The following EAF1 variants were observed in gnomAD, a reference collection of about 807,000 sequenced individuals.
The protein encoded by EAF1 is ELL associated factor 1, also known as ELL-associated factor 1.
Under a neutral mutation model 26.6 loss-of-function variants are expected in EAF1, and 19 were observed. The ratio of observed to expected loss-of-function variants is 0.71; its 90% CI spans 0.50 to 1.05. The LOEUF is 1.05. EAF1 is among the 50% of genes least tolerant of loss of function. The probability of loss-of-function intolerance (pLI) is 0.00; values close to 1 mark genes in which losing one functional copy is unlikely to be tolerated. For missense variants in EAF1, 260 were observed against 335.5 expected (o/e 0.78, Z 1.76); for synonymous variants, 102 against 120.6 (o/e 0.85, Z 1.01).
chr3:15,433,891 T>C (rs944430252), intron 3 of EAF1, among the ~76,000 whole-genome samples: 1 of 152,218 alleles, frequency 6.6e-6, no homozygotes, highest in African/African-American at 2.4e-5. Flanking sequence ...TATTCAATTA[T>C]GGTGGTGGGA....
At chr3:15,430,750 C>G (rs565086278) in intron 2 of EAF1, among the ~76,000 whole-genome samples, 8 of 152,264 alleles carry the variant, frequency 5.3e-5, no homozygotes, top group South Asian at 2.1e-4. Context: ...GATTAAGAAC[C>G]CTTGCAGAGA....
At chr3:15,433,529 A>C (rs1253692802) in intron 3 of EAF1, among the ~76,000 whole-genome samples, 2 of 152,232 alleles carry the variant, frequency 1.3e-5, no homozygotes, top group Admixed American at 1.3e-4. Context: ...TTTGTGCATA[A>C]GCAAAAGTTT....
intron 1 of EAF1, among the ~76,000 whole-genome samples, chr3:15,429,623 A>C (rs555410341): frequency 1.3e-5 from 2 of 152,302 alleles, no homozygotes; most frequent in South Asian, 4.1e-4. Context: ...TCCCTCTAGA[A>C]TAATCAAAAG....
At chr3:15,429,852 C>T in intron 1 of EAF1, 61 bp from the exon 2 acceptor site, 1 of 993,036 alleles carries the variant, frequency 1.0e-6, no homozygotes. Flanking sequence ...AATGGAGATG[C>T]CCAGGAAACC....
intron 5 of EAF1, 124 bp downstream of exon 5, chr3:15,436,699 T>C: frequency 2.5e-6 from 2 of 811,706 alleles, no homozygotes; most frequent in East Asian, 2.7e-5. Context: ...TAAAAATAGT[T>C]TGGAGCAGAA....
chr3:15,427,630 C>A lies in EAF1; in HGVS notation c.-150C>A. On this transcript the variant is annotated 5_prime_UTR_variant, in exon 1 of 6. Coordinates refer to ENST00000396842, the MANE Select transcript of EAF1 (RefSeq NM_033083.7). ...ACCCCCACGCAGAGGAGAGAACTTG[C>A]TTCTGGACCCGGGTGGGTGCCGGCT... 1 of 756,034 alleles carries A rather than the reference C, an allele frequency of 1.3e-6. No homozygotes were observed. The highest frequency in any genetic ancestry group is 2.2e-6 in the Non-Finnish European group (1 of 454,406). The allele number at this position is 756,034 out of a possible 1,614,324, so 46.8% of individuals were successfully genotyped here.
chr3:15,433,233 TAAA>T (rs11328510), intron 3 of EAF1: 75 of 94,182 alleles, frequency 8.0e-4, no homozygotes, highest in African/African-American at 2.2e-3. Flanking sequence ...TGCTATTATC[TAAA>T]AAAAAAAAAA....
rs1263684287 is a variant in EAF1, at chr3:15,439,245, G to A, written c.*90G>A. ...GTGGAGTCCATTGCAAGAGGAAAAT[G>A]TTATGGATCAGTGACTGTAGTAGGA... is the stretch of plus-strand genomic sequence containing the variant. On this transcript the variant is annotated 3_prime_UTR_variant, in exon 6 of 6. Coordinates refer to ENST00000396842, the MANE Select transcript of EAF1 (RefSeq NM_033083.7). 14 of 1,310,158 alleles carry A rather than the reference G, an allele frequency of 1.1e-5. No individual in the cohort carries two copies. The highest frequency in any genetic ancestry group is 9.4e-5 in the East Asian group (4 of 42,666). 81.2% of individuals were successfully genotyped at this position (1,310,158 alleles called of 1,614,324 possible).
rs73029682 is a variant in EAF1 at position 15,439,383 on chromosome 3, G to A, written c.*228G>A. 3.1e-3 allele frequency: 1,329 copies of A among 432,220 alleles called. 5 individuals carry two copies. The highest frequency in any genetic ancestry group is 6.3e-3 in the Admixed American group (154 of 24,346). The allele number at this position is 432,220 out of a possible 1,614,324, so 26.8% of individuals were successfully genotyped here. On this transcript the variant is annotated 3_prime_UTR_variant, in exon 6 of 6. Coordinates refer to ENST00000396842, the MANE Select transcript of EAF1 (RefSeq NM_033083.7). ...CTTTCAAAGTTTAAGTAGACCTGTAGAAGAGCTAACAGAATTATATTTCTA... is the reference window on the plus strand; with the variant it reads ...CTTTCAAAGTTTAAGTAGACCTGTAAAAGAGCTAACAGAATTATATTTCTA...
chr3:15,431,210 A>G (rs768162808), intron 2 of EAF1, among the ~76,000 whole-genome samples: 8 of 152,248 alleles, frequency 5.3e-5, no homozygotes, highest in Non-Finnish European at 8.8e-5. Context: ...GGCATGAAGT[A>G]TATAACCTTG....
intron 3 of EAF1, chr3:15,432,987 A>T (rs1227445508): frequency 2.6e-5 from 4 of 152,084 alleles, no homozygotes; most frequent in Admixed American, 6.5e-5. Context: ...GAAAATAAAA[A>T]TAGGTACCAT....
rs3067737 is a variant in EAF1, at chr3:15,442,208, G to GGTGTGTGTGTGT, written c.*3070_*3081dup. On this transcript the variant is annotated 3_prime_UTR_variant, in exon 6 of 6. Transcript: ENST00000396842. ...CCTATTTGAGAGGCTGGTTCAGCAG[G>GGTGTGTGTGTGT]GTGTGTGTGTGTGTGTGTGTGTGTG... 2.8e-4 allele frequency: 41 copies of GGTGTGTGTGTGT among 148,120 alleles called. No homozygotes were observed. Among genetic ancestry groups the GGTGTGTGTGTGT allele is most frequent in the African/African-American group, 9.9e-4 (40 of 40,472 alleles). 9.2% of individuals were successfully genotyped at this position (148,120 alleles called of 1,614,324 possible). A position where few individuals can be genotyped will look rare whatever the true frequency, so the allele number is the denominator to read the frequency against.
chr3:15,430,849 A>G (rs1393670160), intron 2 of EAF1, among the ~76,000 whole-genome samples: 1 of 152,172 alleles, frequency 6.6e-6, no homozygotes, highest in Non-Finnish European at 1.5e-5. Context: ...GTGTTATTGC[A>G]TGTCACACCC....
chr3:15,429,607 CT>C (rs1445607009), intron 1 of EAF1, among the ~76,000 whole-genome samples: 3 of 152,034 alleles, frequency 2.0e-5, no homozygotes, highest in Non-Finnish European at 2.9e-5. Context: ...CCTGTAAATT[CT>C]TTTTTCCCTC....
At chr3:15,433,198 G>A (rs111563487) in intron 3 of EAF1, 75 of 143,566 alleles carry the variant, frequency 5.2e-4, no homozygotes, top group African/African-American at 1.5e-3. Flanking sequence ...TTTAGTATAT[G>A]TGCTGCCGAA....
rs2061858790 is a variant in EAF1 at position 15,440,458 on chromosome 3, A to G, written c.*1303A>G. 1 of 152,218 alleles carries G rather than the reference A, an allele frequency of 6.6e-6. No homozygotes were observed. Among genetic ancestry groups the G allele is most frequent in the Non-Finnish European group, 1.5e-5 (1 of 68,038 alleles). 9.4% of individuals were successfully genotyped at this position (152,218 alleles called of 1,614,324 possible). On this transcript the variant is annotated 3_prime_UTR_variant, in exon 6 of 6. Coordinates refer to ENST00000396842, the MANE Select transcript of EAF1 (RefSeq NM_033083.7). The stretch of plus-strand genomic sequence containing the variant: ...ACCTGTTTTTGTAGTTTGGATGAAT[A>G]TGTCCTGAGAAATTTCCATCCACTT...
At chr3:15,435,799 A>T (rs2061831035) in intron 4 of EAF1, among the ~76,000 whole-genome samples, 1 of 152,166 alleles carries the variant, frequency 6.6e-6, no homozygotes, top group Non-Finnish European at 1.5e-5. Context: ...CCATTTATTT[A>T]TGGGACATGA....
rs139747935 is a variant in EAF1, at chr3:15,430,235, G to A, written c.198+228G>A. On this transcript the variant is annotated intron_variant, in intron 2 of 5. Coordinates refer to ENST00000396842, the MANE Select transcript of EAF1 (RefSeq NM_033083.7). ...GCATTTTGGGAGGTGGAAGTGGGTG[G>A]ATAGCTTGAGTTCAGGAGTTAAAGA... 1.6e-4 allele frequency among the ~76,000 whole-genome samples: 24 copies of A among 152,054 alleles called. No homozygotes were observed. The East Asian group carries it at 1.9e-3, about 12-fold the overall frequency.
Position 15,434,514 on chromosome 3 carries a change from C to G in EAF1, c.502C>G (p.Pro168Ala), listed in dbSNP as rs1273098977. The change falls in exon 4 of 6, where the codon CCT becomes GCT. Residue 168 changes from proline (P) to alanine (A), a missense_variant. Pro to Ala is a conservative substitution (Grantham distance 27). Coordinates refer to ENST00000396842, the MANE Select transcript of EAF1 (RefSeq NM_033083.7). ...CTTGAAAGATAACCCCTCACCTGAACCTCAGTTGGATGACATCAAAAGAGG... is the reference window on the plus strand; with the variant it reads ...CTTGAAAGATAACCCCTCACCTGAAGCTCAGTTGGATGACATCAAAAGAGG... ...SPLKDNPSPEPQLDDIKRELR... is the reference protein window; with the variant it reads ...SPLKDNPSPEAQLDDIKRELR... 6.2e-7 allele frequency: 1 copy of G among 1,614,196 alleles called. No homozygotes were observed. The highest frequency in any genetic ancestry group is 8.5e-7 in the Non-Finnish European group (1 of 1,180,038).
Sources: allele counts gnomAD v4.1 joint callset (sites outside exome capture counted in the v4.1 genomes callset), GRCh38; gene constraint gnomAD v4.1.1; transcripts MANE v1.5; gene names NCBI Gene and HGNC (gene_info 2026-07-23, HGNC 2026-07-21).